The following CFHR3 variants were observed in gnomAD, a reference collection of about 807,000 sequenced individuals.
CFHR3 encodes the protein complement factor H related 3, also known as complement factor H-related protein 3.
In CFHR3, 22 loss-of-function variants were observed where a neutral mutation model predicts 36.0. That is an observed-to-expected ratio of 0.61 (90% CI 0.44 to 0.87). The LOEUF (loss-of-function observed/expected upper bound fraction) is 0.87, where lower values mean the gene tolerates loss of function less well. Ranked by LOEUF, CFHR3 falls within the 40% of genes least tolerant of loss-of-function variation. CFHR3 has a pLI of 0.00. For synonymous variants in CFHR3, 97 were observed against 137.4 expected (o/e 0.71, Z 2.06); for missense variants, 276 against 401.3 (o/e 0.69, Z 2.67).
chr1:196,788,108 T>C lies in CFHR3; in HGVS notation c.431-108T>C. 11 of 774,452 alleles carry C rather than the reference T, an allele frequency of 1.4e-5. 1 individual carries two copies. The South Asian group carries it at 2.9e-4, about 20-fold the overall frequency. 48.0% of individuals were successfully genotyped at this position (774,452 alleles called of 1,614,324 possible). On this transcript the variant is annotated intron_variant, in intron 3 of 5. Transcript: ENST00000367425. ...TCCAGTTTTGCTGTTTTCAATTCAT[T>C]AACAAATGTTTCATTGTTTCGCCAT...
chr1:196,793,761 G>A lies in CFHR3; in HGVS notation c.*248G>A. 1 of 347,064 alleles carries A rather than the reference G, an allele frequency of 2.9e-6. No homozygotes were observed. The highest frequency in any genetic ancestry group is 5.1e-6 in the Non-Finnish European group (1 of 194,228). 21.5% of individuals were successfully genotyped at this position (347,064 alleles called of 1,614,324 possible). On this transcript the variant is annotated 3_prime_UTR_variant, in exon 6 of 6. Transcript: ENST00000367425. Reference sequence around the variant, plus strand: ...CTCTTATATTGGACTTCTTATCAATGAATTAGTAAGTATAGAGACAGACAG... The same window carrying A: ...CTCTTATATTGGACTTCTTATCAATAAATTAGTAAGTATAGAGACAGACAG...
In CFHR3 at chr1:196,788,357, CA is replaced by C. The variant is rs760466080; in HGVS notation, c.573del (p.Cys192ValfsTer35). ...GATGGAAATTCTTCAGGATCAATTA[CA>C]TGTTTGCAAAATGGATGGTCAGCAC... ...TADGNSSGSI[T>X]CLQNGWSAQP... On this transcript the variant is annotated frameshift_variant, in exon 4 of 6. Transcript: ENST00000367425. LOFTEE classifies it high-confidence loss of function. 5.9e-6 allele frequency: 9 copies of C among 1,530,196 alleles called. 2 individuals are homozygous for C. Among genetic ancestry groups the C allele is most frequent in the Non-Finnish European group, 8.0e-6 (9 of 1,131,996 alleles). 94.8% of individuals were successfully genotyped at this position (1,530,196 alleles called of 1,614,324 possible).
At chr1:196,775,620 A>G (rs550131601) in intron 1 of CFHR3, among the ~76,000 whole-genome samples, 1 of 137,224 alleles carries the variant, frequency 7.3e-6, no homozygotes, top group East Asian at 2.0e-4. Flanking sequence ...GCGTTATGTC[A>G]TTGTTCACTG....
chr1:196,793,523 G>A lies in CFHR3; in HGVS notation c.*10G>A. On this transcript the variant is annotated 3_prime_UTR_variant, in exon 6 of 6. Coordinates refer to ENST00000367425, the MANE Select transcript of CFHR3 (RefSeq NM_021023.6). ...CCCCAGATGCGAATAAGGCAGCATTGTTACCCTAAATGTATGTCCAACTTC... is the reference window on the plus strand; with the variant it reads ...CCCCAGATGCGAATAAGGCAGCATTATTACCCTAAATGTATGTCCAACTTC... 1 of 1,518,116 alleles carries A rather than the reference G, an allele frequency of 6.6e-7. No homozygotes were observed. Among genetic ancestry groups the A allele is most frequent in the Non-Finnish European group, 8.9e-7 (1 of 1,122,434 alleles). The allele number at this position is 1,518,116 out of a possible 1,614,324, so 94.0% of individuals were successfully genotyped here.
intron 4 of CFHR3, chr1:196,789,563 C>G: frequency 8.9e-7 from 1 of 1,120,906 alleles, no homozygotes; most frequent in Non-Finnish European, 1.2e-6. Context: ...ATATATACAC[C>G]CTTACTGTTA....
At chr1:196,791,486 G>T (rs1168185299) in intron 5 of CFHR3, among the ~76,000 whole-genome samples, 1 of 118,760 alleles carries the variant, frequency 8.4e-6, no homozygotes, top group African/African-American at 4.2e-5. Flanking sequence ...TTTTTCAAGT[G>T]CTCAAGTTCC....
In CFHR3 at chr1:196,786,912, CT is replaced by C. The variant is rs1654230750; in HGVS notation, c.431-1303del. 1.5e-5 allele frequency among the ~76,000 whole-genome samples: 2 copies of C among 137,654 alleles called. 1 individual carries two copies. The allele number at this position is 137,654 out of a possible 152,430, so 90.3% of individuals were successfully genotyped here. A position where few individuals can be genotyped will look rare whatever the true frequency, so the allele number is the denominator to read the frequency against. ...TCTTCTGCGTCGCTCACGCTGGGAG[CT>C]GTAGACCAGAGCTGTTCCGATTTGG... is the stretch of plus-strand genomic sequence containing the variant. On this transcript the variant is annotated intron_variant, in intron 3 of 5. Transcript: ENST00000367425.
chr1:196,790,310 T>C, intron 5 of CFHR3, 83 bp downstream of exon 5: 1 of 730,050 alleles, frequency 1.4e-6, no homozygotes, highest in Non-Finnish European at 2.0e-6. Context: ...TTTTTATGGG[T>C]TATTACCCTA....
rs1373502245 is a variant in CFHR3, at chr1:196,790,508, T to C, written c.796+281T>C. On this transcript the variant is annotated intron_variant, in intron 5 of 5. Transcript: ENST00000367425. ...TTGGAAGGCCGAGGCAGGCAGACCA[T>C]GAGGTCAGGAGTTCGAGATCAGCCT... Among the ~76,000 whole-genome samples the C allele has an allele frequency of 1.5e-5, 2 of 135,406 alleles. 1 individual carries two copies. Among genetic ancestry groups the C allele is most frequent in the Admixed American group, 1.4e-4 (2 of 14,042 alleles). The allele number at this position is 135,406 out of a possible 152,430, so 88.8% of individuals were successfully genotyped here.
At position 196,793,847 on chromosome 1, in the gene CFHR3, T is replaced by C. The variant is rs1290871343; in HGVS notation, c.*334T>C. ...GACATAGAAACAAAATGACTTTAGA[T>C]TTTATTTGGGGAAGTAATAATACCA... On this transcript the variant is annotated 3_prime_UTR_variant, in exon 6 of 6. Transcript: ENST00000367425. The C allele has an allele frequency of 1.6e-5, 3 of 190,516 alleles. No homozygotes were observed. Among genetic ancestry groups the C allele is most frequent in the African/African-American group, 3.0e-5 (1 of 33,028 alleles). The allele number at this position is 190,516 out of a possible 1,614,324, so 11.8% of individuals were successfully genotyped here. A position where few individuals can be genotyped will look rare whatever the true frequency, so the allele number is the denominator to read the frequency against.
chr1:196,776,399 T>G (rs1222194385), intron 1 of CFHR3, among the ~76,000 whole-genome samples: 1 of 137,618 alleles, frequency 7.3e-6, no homozygotes, highest in Non-Finnish European at 1.5e-5. Flanking sequence ...TTCAGTAGCA[T>G]TGGCTCAACT....
At chr1:196,789,211 G>A (rs1301788362) in intron 4 of CFHR3, 3 of 889,800 alleles carry the variant, frequency 3.4e-6, no homozygotes, top group Non-Finnish European at 2.7e-6. Flanking sequence ...CATTTTCAAG[G>A]GTACAATTCA....
At chr1:196,782,873 T>A (rs1382010857) in intron 3 of CFHR3, among the ~76,000 whole-genome samples, 1 of 137,314 alleles carries the variant, frequency 7.3e-6, no homozygotes, top group Admixed American at 7.0e-5. Flanking sequence ...GGCATCCCTG[T>A]CTTGTGCTGA....
At chr1:196,785,696 T>A (rs1460119482) in intron 3 of CFHR3, among the ~76,000 whole-genome samples, 1 of 137,136 alleles carries the variant, frequency 7.3e-6, no homozygotes, top group Non-Finnish European at 1.5e-5. Flanking sequence ...ATTCTACTTA[T>A]ACATTTGTCT....
intron 5 of CFHR3, among the ~76,000 whole-genome samples, chr1:196,790,715 C>A (rs1358180625): frequency 8.0e-6 from 1 of 124,902 alleles, no homozygotes; most frequent in Non-Finnish European, 1.6e-5. Context: ...CAGAGGGAGA[C>A]CCCATCTCCA....
chr1:196,775,019 T>C, intron 1 of CFHR3, 75 bp downstream of exon 1: 1 of 1,207,274 alleles, frequency 8.3e-7, no homozygotes, highest in Non-Finnish European at 1.2e-6. Context: ...TTTGTATGTC[T>C]ATAATTATTT....
rs558461134 is a variant in CFHR3, at chr1:196,786,123, C to T, written c.431-2093C>T. On this transcript the variant is annotated intron_variant, in intron 3 of 5. Coordinates refer to ENST00000367425, the MANE Select transcript of CFHR3 (RefSeq NM_021023.6). ...CAGTGGCTGCAGAACAGCGGATTTTCATGAACCGCGAATGCTGCTGTATGA... is the reference window on the plus strand; with the variant it reads ...CAGTGGCTGCAGAACAGCGGATTTTTATGAACCGCGAATGCTGCTGTATGA... Among the ~76,000 whole-genome samples the T allele has an allele frequency of 5.7e-4, 78 of 136,686 alleles. 18 individuals carry two copies. Among genetic ancestry groups the T allele is most frequent in the African/African-American group, 2.3e-3 (75 of 32,624 alleles). 89.7% of individuals were successfully genotyped at this position (136,686 alleles called of 152,430 possible).
rs1157991560 is a variant in CFHR3, at chr1:196,792,805, AG to A, written c.797-511del. ...TGTATGTATGTATGTATGTATATATAGTTTCATTTTAACAGATGACTATTAG... is the reference window on the plus strand; with the variant it reads ...TGTATGTATGTATGTATGTATATATATTTCATTTTAACAGATGACTATTAG... On this transcript the variant is annotated intron_variant, in intron 5 of 5. Transcript: ENST00000367425. Among the ~76,000 whole-genome samples, 4 of 137,208 alleles carry A rather than the reference AG, an allele frequency of 2.9e-5. 1 individual carries two copies. The highest frequency in any genetic ancestry group is 6.2e-5 in the Non-Finnish European group (4 of 64,598). The allele number at this position is 137,208 out of a possible 152,430, so 90.0% of individuals were successfully genotyped here. A position where few individuals can be genotyped will look rare whatever the true frequency, so the allele number is the denominator to read the frequency against.
chr1:196,785,093 G>A lies in CFHR3; in HGVS notation c.431-3123G>A, dbSNP rs1410580136. The stretch of plus-strand genomic sequence containing the variant: ...AGTTTGGCTGGATATGAAATTCTGG[G>A]TTGAAAATTCTTCTCTTTAAGAATG... On this transcript the variant is annotated intron_variant, in intron 3 of 5. Transcript: ENST00000367425. Among the ~76,000 whole-genome samples, 12 of 135,972 alleles carry A rather than the reference G, an allele frequency of 8.8e-5. 4 individuals carry two copies. The highest frequency in any genetic ancestry group is 1.4e-4 in the Non-Finnish European group (9 of 64,368). 89.2% of individuals were successfully genotyped at this position (135,972 alleles called of 152,430 possible).
Sources: allele counts gnomAD v4.1 joint callset (sites outside exome capture counted in the v4.1 genomes callset), GRCh38; gene constraint gnomAD v4.1.1; transcripts MANE v1.5; gene names NCBI Gene and HGNC (gene_info 2026-07-23, HGNC 2026-07-21).